The following NELL1 variants were observed in gnomAD, a reference collection of about 807,000 sequenced individuals.
NELL1 encodes protein kinase C-binding protein NELL1.
NELL1 carries 76 observed loss-of-function variants against 107.4 expected under a neutral mutation model. The ratio of observed to expected loss-of-function variants is 0.71; its 90% CI spans 0.59 to 0.86. The LOEUF is 0.86. Ranked by LOEUF, NELL1 falls within the 40% of genes least tolerant of loss-of-function variation. The pLI, the probability that NELL1 is intolerant of heterozygous loss-of-function variation, is 0.00. For missense variants in NELL1, 1,024 were observed against 1,005.5 expected (o/e 1.02, Z -0.25); for synonymous variants, 353 against 341.2 (o/e 1.03, Z -0.38).
intron 14 of NELL1, among the ~76,000 whole-genome samples, chr11:21,234,951 T>C (rs1346586411): frequency 1.3e-5 from 2 of 152,134 alleles, no homozygotes; most frequent in African/African-American, 2.4e-5. Context: ...TAAGTTATTA[T>C]AGTAAGGTAT....
intron 2 of NELL1, among the ~76,000 whole-genome samples, chr11:20,776,268 TCTTC>T (rs1856747820): frequency 6.6e-6 from 1 of 151,954 alleles, no homozygotes; most frequent in Non-Finnish European, 1.5e-5. Context: ...CGAAACCCCA[TCTTC>T]TACCAAAAAT....
chr11:21,570,574 T>G (rs1857077221), intron 17 of NELL1, among the ~76,000 whole-genome samples, 190 bp from the exon 18 acceptor site: 1 of 151,892 alleles, frequency 6.6e-6, no homozygotes, highest in Non-Finnish European at 1.5e-5. Flanking sequence ...CTATTTTTAT[T>G]TTTTCTGCTC....
intron 16 of NELL1, among the ~76,000 whole-genome samples, chr11:21,557,732 T>G (rs1054897150): frequency 6.6e-6 from 1 of 152,016 alleles, no homozygotes; most frequent in Non-Finnish European, 1.5e-5. Context: ...CAACAAAATG[T>G]GTTCCCTGAA....
At chr11:20,813,385 TC>T (rs1270197744) in intron 3 of NELL1, among the ~76,000 whole-genome samples, 1 of 152,182 alleles carries the variant, frequency 6.6e-6, no homozygotes, top group Non-Finnish European at 1.5e-5. Flanking sequence ...TCCTTGAAAG[TC>T]TGTATAGTCA....
chr11:21,081,798 G>A (rs538697609), intron 12 of NELL1, among the ~76,000 whole-genome samples: 2 of 152,178 alleles, frequency 1.3e-5, no homozygotes, highest in African/African-American at 4.8e-5. Context: ...AGTGATCTTC[G>A]TAAAAAGTAT....
intron 5 of NELL1, among the ~76,000 whole-genome samples, chr11:20,895,325 C>T (rs1423653071): frequency 4.3e-5 from 5 of 116,142 alleles, no homozygotes; most frequent in African/African-American, 1.5e-4. Flanking sequence ...GAAATTATTC[C>T]TTCTGTCCTA....
At chr11:21,294,902 G>A (rs1849342778) in intron 14 of NELL1, among the ~76,000 whole-genome samples, 1 of 152,078 alleles carries the variant, frequency 6.6e-6, no homozygotes, top group Non-Finnish European at 1.5e-5. Flanking sequence ...AGAAAGCTCA[G>A]TTTTGCAAAA....
At chr11:21,016,785 A>G (rs748585743) in intron 12 of NELL1, among the ~76,000 whole-genome samples, 6 of 151,928 alleles carry the variant, frequency 3.9e-5, no homozygotes, top group Non-Finnish European at 7.4e-5. Context: ...ACTTAATAGC[A>G]CCTAAGGTCA....
intron 5 of NELL1, among the ~76,000 whole-genome samples, chr11:20,896,494 G>A (rs1031155607): frequency 3.3e-5 from 5 of 152,158 alleles, no homozygotes; most frequent in Non-Finnish European, 7.4e-5. Context: ...ATACCCAGTA[G>A]TGGGATTGCT....
chr11:21,037,870 T>C (rs577802755), intron 12 of NELL1, among the ~76,000 whole-genome samples: 1 of 152,292 alleles, frequency 6.6e-6, no homozygotes, highest in South Asian at 2.1e-4. Context: ...TATTCTGCCT[T>C]ATTGCTGGAA....
intron 15 of NELL1, among the ~76,000 whole-genome samples, chr11:21,532,848 G>A (rs1056569852): frequency 2.0e-5 from 3 of 152,110 alleles, no homozygotes; most frequent in Admixed American, 2.0e-4. Flanking sequence ...TTCCCTCCAG[G>A]AGCCACAGCC....
In NELL1 at chr11:21,087,302, TA is replaced by T. The variant is rs568994815; in HGVS notation, c.1301-26286del. Among the ~76,000 whole-genome samples, 7 of 152,300 alleles carry T rather than the reference TA, an allele frequency of 4.6e-5. No individual in the cohort carries two copies. The South Asian group carries it at 1.4e-3, about 32-fold the overall frequency. ...ATAGGAAGAGGAAATTTTATGTTCA[TA>T]TCCTGGAACTTTTTAAGAAAATTTT... On this transcript the variant is annotated intron_variant, in intron 12 of 19. Transcript: ENST00000357134.
intron 15 of NELL1, among the ~76,000 whole-genome samples, chr11:21,372,912 A>G (rs1241686686): frequency 6.6e-6 from 1 of 152,000 alleles, no homozygotes; most frequent in African/African-American, 2.4e-5. Context: ...GGGTGATTGC[A>G]TCAGTGCTTA....
At chr11:21,309,012 G>A (rs1849668520) in intron 14 of NELL1, among the ~76,000 whole-genome samples, 1 of 150,838 alleles carries the variant, frequency 6.6e-6, no homozygotes, top group African/African-American at 2.4e-5. Flanking sequence ...ATCATTTTTG[G>A]GAAACACTTA....
At chr11:21,248,341 C>CA (rs373293988) in intron 14 of NELL1, among the ~76,000 whole-genome samples, 15,697 of 126,628 alleles carry the variant, frequency 0.12, 966 homozygotes, top group Middle Eastern at 0.2. Context: ...GAGAGCCTGT[C>CA]AAAAAAAAAA....
chr11:21,471,767 T>C (rs1854189930), intron 15 of NELL1, among the ~76,000 whole-genome samples: 1 of 152,054 alleles, frequency 6.6e-6, no homozygotes. Context: ...TGTTGACTCC[T>C]AAGTTCATGC....
chr11:21,130,411 C>G (rs1855588977), intron 13 of NELL1, among the ~76,000 whole-genome samples: 3 of 152,120 alleles, frequency 2.0e-5, no homozygotes, highest in African/African-American at 7.2e-5. Flanking sequence ...ATGGTGATTA[C>G]CTGGACAGTA....
chr11:20,838,915 C>T (rs1478152131), intron 3 of NELL1, among the ~76,000 whole-genome samples: 1 of 152,082 alleles, frequency 6.6e-6, no homozygotes, highest in African/African-American at 2.4e-5. Flanking sequence ...AAAGTTATAC[C>T]TTAGTCTTAA....
intron 3 of NELL1, among the ~76,000 whole-genome samples, chr11:20,797,658 A>G (rs1857199880): frequency 6.6e-6 from 1 of 151,580 alleles, no homozygotes; most frequent in Admixed American, 6.6e-5. Context: ...ACTATTTCAG[A>G]TAATGGTGGT....
Sources: allele counts gnomAD v4.1 joint callset (sites outside exome capture counted in the v4.1 genomes callset), GRCh38; gene constraint gnomAD v4.1.1; transcripts MANE v1.5; gene names NCBI Gene and HGNC (gene_info 2026-07-23, HGNC 2026-07-21).